The following PDE4D variants were observed in gnomAD, a reference collection of about 807,000 sequenced individuals.
PDE4D encodes 3',5'-cyclic-AMP phosphodiesterase 4D.
In PDE4D, 24 loss-of-function variants were observed where a neutral mutation model predicts 87.4. That is an observed-to-expected ratio of 0.27 (90% confidence interval 0.20 to 0.39). The LOEUF (loss-of-function observed/expected upper bound fraction) is 0.39, where lower values mean the gene tolerates loss of function less well. PDE4D is among the 10% of genes least tolerant of loss of function. PDE4D has a pLI of 1.00. For missense variants in PDE4D, 714 were observed against 1,041.0 expected, an observed-to-expected ratio of 0.69 and a Z score of 4.32; for synonymous variants, 384 against 383.2, an observed-to-expected ratio of 1.00 and a Z score of -0.02.
At chr5:60,293,449 G>A (rs894548576) in intron 1 of PDE4D, among the ~76,000 whole-genome samples, 2 of 152,228 alleles carry the variant, frequency 1.3e-5, no homozygotes, top group East Asian at 3.9e-4. Context: ...GAGAGGCGGA[G>A]GTTGCAGTGA....
intron 2 of PDE4D, among the ~76,000 whole-genome samples, chr5:60,185,065 C>T (rs1456230819): frequency 1.3e-5 from 2 of 151,798 alleles, no homozygotes; most frequent in Non-Finnish European, 2.9e-5. Context: ...TGAGGATGTT[C>T]AATTTAAAAT....
chr5:59,029,633 A>G (rs1449990374), intron 6 of PDE4D, among the ~76,000 whole-genome samples: 1 of 148,394 alleles, frequency 6.7e-6, no homozygotes, highest in Admixed American at 6.9e-5. Flanking sequence ...TATTGATTCA[A>G]TGCAATTCCT....
At chr5:59,563,863 T>C (rs1039763241) in intron 1 of PDE4D, among the ~76,000 whole-genome samples, 2 of 152,026 alleles carry the variant, frequency 1.3e-5, no homozygotes, top group African/African-American at 2.4e-5. Flanking sequence ...CATGACAACA[T>C]AGAAAATGAT....
chr5:60,213,017 C>T (rs1434755120), intron 1 of PDE4D, among the ~76,000 whole-genome samples: 3 of 152,162 alleles, frequency 2.0e-5, no homozygotes, highest in Non-Finnish European at 2.9e-5. Flanking sequence ...TTCTCAGGTG[C>T]TTCTCTTCTC....
chr5:59,965,986 T>C (rs1252464825), intron 3 of PDE4D, among the ~76,000 whole-genome samples: 3 of 152,138 alleles, frequency 2.0e-5, no homozygotes, highest in Non-Finnish European at 4.4e-5. Context: ...CAGGAGCACA[T>C]GAAAATGATA....
chr5:60,316,061 G>A (rs192407470), intron 1 of PDE4D, among the ~76,000 whole-genome samples: 5 of 152,074 alleles, frequency 3.3e-5, no homozygotes, highest in South Asian at 2.1e-4. Context: ...GCATTGAATC[G>A]ATAAATTACC....
chr5:60,509,614 C>T (rs1750481625), intron 1 of PDE4D, among the ~76,000 whole-genome samples: 1 of 152,110 alleles, frequency 6.6e-6, no homozygotes, highest in South Asian at 2.1e-4. Context: ...ATCTTTCTTT[C>T]CCTTCATCCA....
At chr5:59,587,974 G>C (rs1398916609) in intron 1 of PDE4D, among the ~76,000 whole-genome samples, 1 of 152,016 alleles carries the variant, frequency 6.6e-6, no homozygotes, top group Admixed American at 6.6e-5. Context: ...GCAAATGATA[G>C]AGTTTGGTGG....
At chr5:59,240,706 G>A (rs1434556624) in intron 1 of PDE4D, among the ~76,000 whole-genome samples, 1 of 151,978 alleles carries the variant, frequency 6.6e-6, no homozygotes, top group Non-Finnish European at 1.5e-5. Flanking sequence ...TCAAATTTTG[G>A]AGACCAGAGA....
intron 2 of PDE4D, among the ~76,000 whole-genome samples, chr5:60,002,642 G>A (rs530154499): frequency 5.1e-4 from 78 of 152,138 alleles, no homozygotes; most frequent in Non-Finnish European, 7.1e-4. Flanking sequence ...GTAATATACC[G>A]AATGAACACA....
intron 2 of PDE4D, among the ~76,000 whole-genome samples, chr5:60,007,466 A>G (rs1764602093): frequency 6.6e-6 from 1 of 151,988 alleles, no homozygotes; most frequent in Non-Finnish European, 1.5e-5. Flanking sequence ...TATCAGAAAA[A>G]TCTCAACTAT....
At chr5:60,396,650 C>T (rs561430660) in intron 1 of PDE4D, among the ~76,000 whole-genome samples, 1 of 152,094 alleles carries the variant, frequency 6.6e-6, no homozygotes, top group Non-Finnish European at 1.5e-5. Flanking sequence ...GCCTCAGCCT[C>T]GTGAGTAGAT....
At chr5:59,626,767 T>C (rs1239431358) in intron 1 of PDE4D, among the ~76,000 whole-genome samples, 1 of 152,178 alleles carries the variant, frequency 6.6e-6, no homozygotes, top group African/African-American at 2.4e-5. Context: ...TAAATTAAGG[T>C]AATAACTTTA....
At chr5:59,742,868 G>C (rs1252036459) in intron 1 of PDE4D, among the ~76,000 whole-genome samples, 2 of 152,126 alleles carry the variant, frequency 1.3e-5, no homozygotes, top group Non-Finnish European at 2.9e-5. Context: ...GGGAAACATA[G>C]TTAATATTTA....
intron 1 of PDE4D, among the ~76,000 whole-genome samples, chr5:60,442,811 A>C (rs1446048288): frequency 3.9e-5 from 6 of 152,268 alleles, no homozygotes; most frequent in African/African-American, 1.4e-4. Flanking sequence ...TTTCAAATTA[A>C]ACATTTATTT....
intron 1 of PDE4D, chr5:59,357,016 G>A: frequency 1.3e-6 from 1 of 753,044 alleles, no homozygotes; most frequent in Non-Finnish European, 1.9e-6. Flanking sequence ...GCTGAGGCAG[G>A]GCTGGAAGGG....
At chr5:59,311,631 C>T (rs575434741) in intron 1 of PDE4D, among the ~76,000 whole-genome samples, 5 of 152,006 alleles carry the variant, frequency 3.3e-5, no homozygotes, top group African/African-American at 1.2e-4. Context: ...CTGGGACTGA[C>T]CCCTTGGATG....
chr5:59,246,210 C>G (rs574761936), intron 1 of PDE4D, among the ~76,000 whole-genome samples: 12 of 152,126 alleles, frequency 7.9e-5, no homozygotes, highest in Admixed American at 2.0e-4. Flanking sequence ...ACAATGACAT[C>G]TATTCAGAAA....
At chr5:59,604,544 C>CA in intron 1 of PDE4D, among the ~76,000 whole-genome samples, 1 of 152,082 alleles carries the variant, frequency 6.6e-6, no homozygotes, top group Middle Eastern at 3.4e-3. Context: ...GTTTTGGTAT[C>CA]ATTTGCCTTA....
Sources: gnomAD v4.1 joint callset for allele counts (sites outside exome capture counted in the v4.1 genomes callset) on GRCh38, gnomAD v4.1.1 for gene constraint, MANE v1.5 for transcripts, NCBI Gene and HGNC (gene_info 2026-07-23, HGNC 2026-07-21) for gene names.